NHSL1: variants seen among roughly 807,000 people sequenced by gnomAD.
NHSL1 encodes NHS like 1, also known as NHS-like protein 1.
In NHSL1, 48 loss-of-function variants were observed where a neutral mutation model predicts 95.0. The ratio of observed to expected loss-of-function variants is 0.51; its 90% CI spans 0.40 to 0.64. The LOEUF is 0.64. Among genes scored for constraint, NHSL1 ranks in the 30% least tolerant of loss-of-function variants. The pLI, the probability that NHSL1 is intolerant of heterozygous loss-of-function variation, is 0.00. For missense variants in NHSL1, 1,971 were observed against 2,077.7 expected, an observed-to-expected ratio of 0.95 and a Z score of 1.00; for synonymous variants, 783 against 833.9, an observed-to-expected ratio of 0.94 and a Z score of 1.05.
At chr6:138,450,972 C>T (rs1777196266) in intron 3 of NHSL1, among the ~76,000 whole-genome samples, 1 of 152,150 alleles carries the variant, frequency 6.6e-6, no homozygotes, top group African/African-American at 2.4e-5. Flanking sequence ...ACTTTTCTGC[C>T]CTTGTTGACC....
At chr6:138,657,081 C>A (rs1300745802) in intron 1 of NHSL1, among the ~76,000 whole-genome samples, 1 of 152,050 alleles carries the variant, frequency 6.6e-6, no homozygotes, top group African/African-American at 2.4e-5. Context: ...CCATAGATAA[C>A]GTATCATTAG....
chr6:138,437,713 G>A (rs1776278673), intron 5 of NHSL1, among the ~76,000 whole-genome samples: 1 of 152,094 alleles, frequency 6.6e-6, no homozygotes, highest in Non-Finnish European at 1.5e-5. Flanking sequence ...TTAATTCATG[G>A]GAGAAGGTCA....
intron 2 of NHSL1, 71 bp downstream of exon 2, chr6:138,496,148 A>G (rs1780336287): frequency 6.8e-7 from 1 of 1,460,224 alleles, no homozygotes; most frequent in East Asian, 2.5e-5. Flanking sequence ...GGTTTTATAA[A>G]TAGATATCAA....
chr6:138,603,606 C>A (rs190392151), intron 1 of NHSL1, among the ~76,000 whole-genome samples: 1 of 152,312 alleles, frequency 6.6e-6, no homozygotes, highest in East Asian at 1.9e-4. Context: ...AGTCTAATGA[C>A]AGAAGACAAA....
intron 1 of NHSL1, among the ~76,000 whole-genome samples, chr6:138,632,834 C>A (rs1042414557): frequency 9.9e-5 from 15 of 152,088 alleles, no homozygotes; most frequent in African/African-American, 3.4e-4. Context: ...TCAAGACATT[C>A]CAGGAAAACA....
chr6:138,438,027 C>T (rs972056463), intron 5 of NHSL1, among the ~76,000 whole-genome samples: 4 of 152,194 alleles, frequency 2.6e-5, no homozygotes, highest in Non-Finnish European at 5.9e-5. Flanking sequence ...ATTATATGAA[C>T]TTAGTTGATA....
rs374986021 is a variant in NHSL1, at chr6:138,671,322, C to T, written c.96+21154G>A. ...AAAATTAGCCGGGCATGATGACGTG[C>T]GCCTGTAATCCCAGCTACTCGGGAG... On this transcript the variant is annotated intron_variant, in intron 1 of 3. Coordinates refer to the NHSL1 transcript ENST00000491526. Among the ~76,000 whole-genome samples the T allele has an allele frequency of 3.9e-4, 58 of 146,900 alleles. 1 individual carries two copies. In the South Asian group the frequency reaches 8.2e-3, roughly 21 times the overall value.
At chr6:138,688,190 G>T (rs542216680) in intron 1 of NHSL1, among the ~76,000 whole-genome samples, 9 of 152,106 alleles carry the variant, frequency 5.9e-5, no homozygotes, top group Non-Finnish European at 8.8e-5. Context: ...GGCCTCAAGT[G>T]ATCGGCCCAC....
intron 5 of NHSL1, among the ~76,000 whole-genome samples, chr6:138,437,511 T>G (rs1469280014): frequency 6.7e-6 from 1 of 149,772 alleles, no homozygotes. Context: ...TGTACAAAGT[T>G]TTCATGCCTG....
chr6:138,532,754 TA>T (rs1011954834), intron 1 of NHSL1, among the ~76,000 whole-genome samples: 4 of 152,270 alleles, frequency 2.6e-5, no homozygotes, highest in African/African-American at 9.6e-5. Context: ...ATTCCTAGGT[TA>T]GGGGTCTTTC....
chr6:138,490,811 T>A (rs1395604763), intron 2 of NHSL1, among the ~76,000 whole-genome samples: 2 of 152,146 alleles, frequency 1.3e-5, no homozygotes, highest in East Asian at 3.9e-4. Flanking sequence ...TTTTTGTATT[T>A]TTAGTAGAGA....
intron 1 of NHSL1, among the ~76,000 whole-genome samples, chr6:138,675,417 G>A (rs776358089): frequency 5.9e-5 from 9 of 152,146 alleles, no homozygotes; most frequent in African/African-American, 1.7e-4. Flanking sequence ...TGTTGTAGAC[G>A]AGGTCAGGGT....
chr6:138,513,810 C>T (rs1027980957), intron 1 of NHSL1, among the ~76,000 whole-genome samples: 1 of 152,126 alleles, frequency 6.6e-6, no homozygotes, highest in African/African-American at 2.4e-5. Flanking sequence ...ATCACTACTA[C>T]TTGTAGTGAT....
intron 3 of NHSL1, among the ~76,000 whole-genome samples, chr6:138,461,232 G>A (rs75147051): frequency 2.6e-5 from 4 of 152,048 alleles, no homozygotes; most frequent in Non-Finnish European, 5.9e-5. Context: ...TTTCAGTGGA[G>A]ATGGACAGTA....
At chr6:138,466,189 G>A (rs1467913518) in intron 3 of NHSL1, among the ~76,000 whole-genome samples, 2 of 151,924 alleles carry the variant, frequency 1.3e-5, no homozygotes, top group African/African-American at 4.8e-5. Context: ...ACAGGCACCC[G>A]CCACCATGCC....
chr6:138,528,993 G>T (rs1331577447), intron 1 of NHSL1, among the ~76,000 whole-genome samples: 1 of 152,162 alleles, frequency 6.6e-6, no homozygotes, highest in Non-Finnish European at 1.5e-5. Context: ...AAAACACTTG[G>T]AAAAATTGAG....
chr6:138,433,778 T>C (rs1489363971), intron 5 of NHSL1, 98 bp from the exon 6 acceptor site: 7 of 1,399,838 alleles, frequency 5.0e-6, no homozygotes, highest in Non-Finnish European at 6.5e-6. Flanking sequence ...AAAAAATTTT[T>C]CTATTTGATT....
At chr6:138,630,953 G>A (rs769759823) in intron 1 of NHSL1, among the ~76,000 whole-genome samples, 1 of 152,140 alleles carries the variant, frequency 6.6e-6, no homozygotes, top group Non-Finnish European at 1.5e-5. Context: ...CATATCAGCA[G>A]AAAGAAACAC....
At chr6:138,609,219 T>C (rs1784474928) in intron 1 of NHSL1, among the ~76,000 whole-genome samples, 2 of 152,120 alleles carry the variant, frequency 1.3e-5, no homozygotes, top group East Asian at 1.9e-4. Context: ...GCAGAATGCA[T>C]AGGTCAAAGC....
Sources: allele counts gnomAD v4.1 joint callset (sites outside exome capture counted in the v4.1 genomes callset), GRCh38; gene constraint gnomAD v4.1.1; transcripts MANE v1.5; gene names NCBI Gene and HGNC (gene_info 2026-07-23, HGNC 2026-07-21).